The following ITFG1 variants were observed in gnomAD, a reference collection of about 807,000 sequenced individuals.
ITFG1 encodes the protein T-cell immunomodulatory protein.
A neutral mutation model predicts 81.8 loss-of-function variants in ITFG1; 34 were observed. The ratio of observed to expected loss-of-function variants is 0.42; its 90% CI spans 0.32 to 0.55. ITFG1 has a LOEUF of 0.55. Ranked by LOEUF, ITFG1 falls within the 20% of genes least tolerant of loss-of-function variation. The pLI, the probability that ITFG1 is intolerant of heterozygous loss-of-function variation, is 0.17. For synonymous variants in ITFG1, 285 were observed against 270.6 expected, an observed-to-expected ratio of 1.05 and a Z score of -0.52; for missense variants, 672 against 755.4, an observed-to-expected ratio of 0.89 and a Z score of 1.29.
At chr16:47,364,316 C>A (rs1803503703) in intron 8 of ITFG1, among the ~76,000 whole-genome samples, 1 of 152,044 alleles carries the variant, frequency 6.6e-6, no homozygotes, top group African/African-American at 2.4e-5. Context: ...CACTAACATG[C>A]AAACGTTTAT....
At chr16:47,219,045 G>T in intron 13 of ITFG1, 99 bp from the exon 14 acceptor site, 1 of 653,684 alleles carries the variant, frequency 1.5e-6, no homozygotes, top group South Asian at 2.6e-5. Flanking sequence ...TTACACAGAT[G>T]ACAGTTACTT....
intron 6 of ITFG1, among the ~76,000 whole-genome samples, chr16:47,385,134 G>C (rs1242010578): frequency 6.6e-6 from 1 of 152,194 alleles, no homozygotes; most frequent in African/African-American, 2.4e-5. Context: ...ATTCACATTA[G>C]TGAAATGCTA....
chr16:47,425,219 G>A (rs1478408554), intron 6 of ITFG1, among the ~76,000 whole-genome samples: 1 of 152,198 alleles, frequency 6.6e-6, no homozygotes, highest in Admixed American at 6.5e-5. Context: ...CTAGCAGTGA[G>A]CAACACTCCG....
chr16:47,210,222 T>C (rs571442510), intron 14 of ITFG1, among the ~76,000 whole-genome samples: 1 of 152,220 alleles, frequency 6.6e-6, no homozygotes, highest in African/African-American at 2.4e-5. Flanking sequence ...GTTGTCACTT[T>C]ATTTTTTTAG....
chr16:47,392,369 G>A lies in ITFG1; in HGVS notation c.656-16429C>T, dbSNP rs563910948. Among the ~76,000 whole-genome samples, 8 of 152,104 alleles carry A rather than the reference G, an allele frequency of 5.3e-5. No homozygotes were observed. The South Asian group carries it at 6.2e-4, about 12-fold the overall frequency. ...AAGAGCGTCCTGCTGGGCCTCAGCC[G>A]TGTAAAGGCTGGAGGTGACAGTGTG... is the stretch of plus-strand genomic sequence containing the variant. On this transcript the variant is annotated intron_variant, in intron 6 of 17. Transcript: ENST00000320640.
intron 10 of ITFG1, among the ~76,000 whole-genome samples, chr16:47,271,673 A>G (rs1252276446): frequency 6.6e-6 from 1 of 152,188 alleles, no homozygotes; most frequent in Non-Finnish European, 1.5e-5. Flanking sequence ...TCTGGCTAAC[A>G]TGGTGAAACC....
chr16:47,221,133 T>C (rs1396893100), intron 13 of ITFG1, among the ~76,000 whole-genome samples: 1 of 152,028 alleles, frequency 6.6e-6, no homozygotes, highest in Non-Finnish European at 1.5e-5. Context: ...GAAATGTCAC[T>C]ATATGACCTT....
Position 47,236,444 on chromosome 16 carries a change from C to A in ITFG1, c.1374+1521G>T, listed in dbSNP as rs1965874564. ...GAGCCGAGATCGCGCCACTGCACTGCAGCCTGGGGGACAGAGTGAGACTCC... is the reference window on the plus strand; with the variant it reads ...GAGCCGAGATCGCGCCACTGCACTGAAGCCTGGGGGACAGAGTGAGACTCC... On this transcript the variant is annotated intron_variant, in intron 13 of 17. Transcript: ENST00000320640. 7.2e-5 allele frequency among the ~76,000 whole-genome samples: 10 copies of A among 138,108 alleles called. No homozygotes were observed. In the Admixed American group the frequency reaches 8.0e-4, roughly 11 times the overall value. 90.6% of individuals were successfully genotyped at this position (138,108 alleles called of 152,430 possible).
chr16:47,283,302 C>G (rs1271134893), intron 10 of ITFG1, among the ~76,000 whole-genome samples: 1 of 152,116 alleles, frequency 6.6e-6, no homozygotes, highest in Non-Finnish European at 1.5e-5. Context: ...CTGCATATGG[C>G]TAGCCAATTT....
At chr16:47,291,872 G>C (rs1461177792) in intron 10 of ITFG1, among the ~76,000 whole-genome samples, 1 of 151,906 alleles carries the variant, frequency 6.6e-6, no homozygotes, top group Non-Finnish European at 1.5e-5. Flanking sequence ...TGAGACTGTT[G>C]AATTGTCTAC....
At chr16:47,293,714 T>C (rs1966943863) in intron 10 of ITFG1, among the ~76,000 whole-genome samples, 1 of 152,066 alleles carries the variant, frequency 6.6e-6, no homozygotes, top group Non-Finnish European at 1.5e-5. Flanking sequence ...ATTTGTTTTT[T>C]TTGGTTGTTG....
intron 8 of ITFG1, among the ~76,000 whole-genome samples, chr16:47,337,188 T>C (rs28577929): frequency 0.12 from 17,865 of 150,612 alleles, 2,313 homozygotes; most frequent in African/African-American, 0.33. Flanking sequence ...TTAGGACAGC[T>C]GATGAATGCT....
At chr16:47,443,519 C>A (rs970575835) in intron 5 of ITFG1, among the ~76,000 whole-genome samples, 2 of 152,088 alleles carry the variant, frequency 1.3e-5, no homozygotes, top group African/African-American at 4.8e-5. Context: ...AAATGATAGA[C>A]TGGATTAAGA....
intron 14 of ITFG1, among the ~76,000 whole-genome samples, chr16:47,186,518 T>G (rs1324523734): frequency 6.6e-6 from 1 of 152,210 alleles, no homozygotes; most frequent in Non-Finnish European, 1.5e-5. Flanking sequence ...ACCACACGAT[T>G]ATCTCAATAG....
chr16:47,219,566 G>T (rs1184249527), intron 13 of ITFG1, among the ~76,000 whole-genome samples: 2 of 152,040 alleles, frequency 1.3e-5, no homozygotes, highest in Non-Finnish European at 2.9e-5. Context: ...TAATTAAATA[G>T]AACATAAAGA....
At chr16:47,433,044 C>G (rs1969113764) in intron 5 of ITFG1, among the ~76,000 whole-genome samples, 1 of 152,200 alleles carries the variant, frequency 6.6e-6, no homozygotes, top group Admixed American at 6.5e-5. Flanking sequence ...TGTCTCTAAC[C>G]TGAGCAGTTA....
At chr16:47,416,533 G>A (rs947300728) in intron 6 of ITFG1, among the ~76,000 whole-genome samples, 2 of 152,210 alleles carry the variant, frequency 1.3e-5, no homozygotes, top group African/African-American at 2.4e-5. Context: ...GAGCCCCAAT[G>A]TTGGAGGTAG....
At chr16:47,405,701 A>G (rs76513792) in intron 6 of ITFG1, among the ~76,000 whole-genome samples, 2,535 of 152,300 alleles carry the variant, frequency 0.017, 41 homozygotes, top group Non-Finnish European at 0.026. Context: ...GCAAATACAT[A>G]TACAGTGCTT....
At chr16:47,301,219 T>C (rs1323871271) in intron 10 of ITFG1, among the ~76,000 whole-genome samples, 1 of 152,096 alleles carries the variant, frequency 6.6e-6, no homozygotes, top group African/African-American at 2.4e-5. Context: ...TTCAAGATGA[T>C]TCTTGGTGCA....
Sources: allele counts gnomAD v4.1 joint callset (sites outside exome capture counted in the v4.1 genomes callset), GRCh38; gene constraint gnomAD v4.1.1; transcripts MANE v1.5; gene names NCBI Gene and HGNC (gene_info 2026-07-23, HGNC 2026-07-21).